The following GABRG3 variants were observed in gnomAD, a reference collection of about 807,000 sequenced individuals.
GABRG3 encodes the protein gamma-aminobutyric acid receptor subunit gamma-3.
In GABRG3, 25 loss-of-function variants were observed where a neutral mutation model predicts 48.8. That is an observed-to-expected ratio of 0.51 (90% CI 0.37 to 0.72). GABRG3 has a LOEUF of 0.72. GABRG3 is among the 30% of genes least tolerant of loss of function. The pLI, the probability that GABRG3 is intolerant of heterozygous loss-of-function variation, is 0.00. For synonymous variants in GABRG3, 227 were observed against 217.6 expected, an observed-to-expected ratio of 1.04 and a Z score of -0.38; for missense variants, 394 against 577.9, an observed-to-expected ratio of 0.68 and a Z score of 3.26.
chr15:27,432,173 A>C (rs1888474196), intron 5 of GABRG3, among the ~76,000 whole-genome samples: 1 of 152,208 alleles, frequency 6.6e-6, no homozygotes, highest in African/African-American at 2.4e-5. Flanking sequence ...AACATCTTAA[A>C]ACAATGTAGT....
intron 2 of GABRG3, among the ~76,000 whole-genome samples, chr15:26,982,546 G>A (rs35450141): frequency 0.58 from 88,153 of 152,128 alleles, 26,924 homozygotes; most frequent in East Asian, 0.9. Flanking sequence ...ACAATGCAGC[G>A]CTTGCAAGAA....
At chr15:27,455,803 A>G (rs1237284757) in intron 5 of GABRG3, among the ~76,000 whole-genome samples, 1 of 136,924 alleles carries the variant, frequency 7.3e-6, no homozygotes, top group African/African-American at 2.6e-5. Flanking sequence ...TGTGCATGGT[A>G]TATGTATGCC....
chr15:27,508,839 G>A (rs538674859), intron 6 of GABRG3, among the ~76,000 whole-genome samples: 15 of 152,026 alleles, frequency 9.9e-5, no homozygotes, highest in East Asian at 9.7e-4. Context: ...CCAGCCTCCC[G>A]AGTAGCTGGG....
At chr15:27,242,649 A>C (rs901135456) in intron 3 of GABRG3, among the ~76,000 whole-genome samples, 3 of 152,242 alleles carry the variant, frequency 2.0e-5, no homozygotes, top group African/African-American at 7.2e-5. Context: ...CGTTCTATTC[A>C]GTTGAAACTG....
At chr15:27,357,544 A>G (rs1036314780) in intron 5 of GABRG3, among the ~76,000 whole-genome samples, 4 of 152,240 alleles carry the variant, frequency 2.6e-5, no homozygotes, top group Non-Finnish European at 5.9e-5. Context: ...AAAAGCCTAC[A>G]TAAGTGACAC....
chr15:27,477,012 T>C (rs949966344), intron 5 of GABRG3, among the ~76,000 whole-genome samples: 1 of 152,196 alleles, frequency 6.6e-6, no homozygotes, highest in Non-Finnish European at 1.5e-5. Flanking sequence ...TATTAGATCA[T>C]GCCTTCAGAG....
At chr15:27,202,497 T>C (rs1595582796) in intron 3 of GABRG3, among the ~76,000 whole-genome samples, 2 of 152,222 alleles carry the variant, frequency 1.3e-5, no homozygotes, top group African/African-American at 4.8e-5. Flanking sequence ...ATTGGCAGGT[T>C]GCTTTCCAGG....
chr15:27,475,042 A>C (rs1394336962), intron 5 of GABRG3, among the ~76,000 whole-genome samples: 1 of 152,132 alleles, frequency 6.6e-6, no homozygotes, highest in African/African-American at 2.4e-5. Context: ...AGGCAGGAGA[A>C]TCGCTTGAAC....
At chr15:27,139,437 C>A (rs1326797693) in intron 3 of GABRG3, among the ~76,000 whole-genome samples, 1 of 152,140 alleles carries the variant, frequency 6.6e-6, no homozygotes, top group Non-Finnish European at 1.5e-5. Context: ...GGTGCCTGCC[C>A]ACATCAGGTG....
Position 27,105,626 on chromosome 15 carries a change from CCAAAAGACAA to C in GABRG3, c.270+78820_270+78829del, listed in dbSNP as rs543799819. On this transcript the variant is annotated intron_variant, in intron 3 of 9. Transcript: ENST00000615808. Reference sequence around the variant, plus strand: ...TTTTAGGATGGCGGTTATCAAAAAGCCAAAAGACAACAAAAGACAACAAATATTGGTGGGG... The same window carrying C: ...TTTTAGGATGGCGGTTATCAAAAAGCCAAAAGACAACAAATATTGGTGGGG... Among the ~76,000 whole-genome samples, 56 of 151,964 alleles carry C rather than the reference CCAAAAGACAA, an allele frequency of 3.7e-4. No individual in the cohort carries two copies. The East Asian group carries it at 7.0e-3, about 19-fold the overall frequency.
At chr15:27,239,247 C>T (rs34753675) in intron 3 of GABRG3, among the ~76,000 whole-genome samples, 36,896 of 152,090 alleles carry the variant, frequency 0.24, 6,344 homozygotes, top group African/African-American at 0.49. Context: ...TTGTCTAAAG[C>T]TGCAATGGCC....
chr15:27,334,420 G>A (rs1402567903), intron 5 of GABRG3, among the ~76,000 whole-genome samples: 1 of 152,010 alleles, frequency 6.6e-6, no homozygotes, highest in African/African-American at 2.4e-5. Context: ...ATGATCATTG[G>A]CAATTGTTTA....
intron 2 of GABRG3, among the ~76,000 whole-genome samples, chr15:27,020,073 A>G (rs1030151554): frequency 2.6e-5 from 4 of 152,106 alleles, no homozygotes; most frequent in Admixed American, 6.5e-5. Context: ...CTCCACTCTC[A>G]TCTTGAATTA....
intron 2 of GABRG3, among the ~76,000 whole-genome samples, chr15:26,984,828 C>T (rs189432087): frequency 6.5e-4 from 99 of 152,246 alleles, no homozygotes; most frequent in Middle Eastern, 6.8e-3. Context: ...CAATCTGTGC[C>T]AAATATGGTC....
At chr15:27,054,425 A>T (rs1038973540) in intron 3 of GABRG3, among the ~76,000 whole-genome samples, 2 of 152,132 alleles carry the variant, frequency 1.3e-5, no homozygotes, top group Admixed American at 1.3e-4. Context: ...TAAAAATAGA[A>T]ATAAACAAGG....
At chr15:27,125,718 G>T (rs1034980728) in intron 3 of GABRG3, among the ~76,000 whole-genome samples, 1 of 152,146 alleles carries the variant, frequency 6.6e-6, no homozygotes, top group Non-Finnish European at 1.5e-5. Flanking sequence ...TATTCTTTGC[G>T]GGAGCGCTGT....
Position 27,396,075 on chromosome 15 carries a change from C to G in GABRG3, c.574+67187C>G, listed in dbSNP as rs143959416. Among the ~76,000 whole-genome samples, 141 of 152,194 alleles carry G rather than the reference C, an allele frequency of 9.3e-4. 1 individual carries two copies. Among genetic ancestry groups the G allele is most frequent in the African/African-American group, 3.3e-3 (136 of 41,520 alleles). ...GACAGGGTGTTGACATTTGCCCAGG[C>G]TGGTCTCGAACCCCTGGCCCTCAAG... is the stretch of plus-strand genomic sequence containing the variant. On this transcript the variant is annotated intron_variant, in intron 5 of 9. Coordinates refer to ENST00000615808, the MANE Select transcript of GABRG3 (RefSeq NM_033223.5).
chr15:27,501,190 A>AT (rs1890626730), intron 6 of GABRG3, among the ~76,000 whole-genome samples: 1 of 152,090 alleles, frequency 6.6e-6, no homozygotes. Flanking sequence ...TGACCTCGTG[A>AT]TCTGCCCACC....
At chr15:27,445,953 G>T (rs1888931862) in intron 5 of GABRG3, among the ~76,000 whole-genome samples, 1 of 151,938 alleles carries the variant, frequency 6.6e-6, no homozygotes, top group African/African-American at 2.4e-5. Context: ...CTAATTGGCT[G>T]TAAATAAGAG....
Sources: allele counts gnomAD v4.1 joint callset (sites outside exome capture counted in the v4.1 genomes callset), GRCh38; gene constraint gnomAD v4.1.1; transcripts MANE v1.5; gene names NCBI Gene and HGNC (gene_info 2026-07-23, HGNC 2026-07-21).